Variants in MAX observed in about 807,000 individuals in gnomAD.
The protein encoded by MAX is MYC associated transcriptional regulator X, also known as protein max.
A neutral mutation model predicts 22.3 loss-of-function variants in MAX; 3 were observed. The observed-to-expected ratio is 0.13, with a 90% CI of 0.06 to 0.35. MAX has a LOEUF of 0.35. Among genes scored for constraint, MAX ranks in the 10% least tolerant of loss-of-function variants. The pLI is 1.00. For synonymous variants in MAX, 72 were observed against 77.7 expected, an observed-to-expected ratio of 0.93 and a Z score of 0.39; for missense variants, 119 against 209.4, an observed-to-expected ratio of 0.57 and a Z score of 2.66.
At chr14:65,053,313 A>G in intron 3 of MAX, 1 of 1,451,448 alleles carries the variant, frequency 6.9e-7, no homozygotes, top group Non-Finnish European at 9.1e-7. Context: ...ATGTGCTGCC[A>G]GTGCCCTGCG....
chr14:65,060,215 AAC>A (rs1360178686), intron 3 of MAX, among the ~76,000 whole-genome samples: 1 of 149,014 alleles, frequency 6.7e-6, no homozygotes, highest in East Asian at 1.9e-4. Flanking sequence ...GAAAATGAAA[AAC>A]AATCATATCA....
rs2063410585 is a variant in MAX at position 65,088,642 on chromosome 14, G to C, written c.171+5066C>G. Among the ~76,000 whole-genome samples, 1 of 152,208 alleles carries C rather than the reference G, an allele frequency of 6.6e-6. No homozygotes were observed. The highest frequency in any genetic ancestry group is 2.4e-5 in the African/African-American group (1 of 41,454). ...GCCATCTCCCAAAATAATGTGGCCA[G>C]GTTGATGGGGGATTCCTCCCCTCAG... On this transcript the variant is annotated intron_variant, in intron 3 of 4. Coordinates refer to ENST00000358664, the MANE Select transcript of MAX (RefSeq NM_002382.5). The surrounding 1 kb of genome is among the most constrained non-coding windows in gnomAD (Gnocchi z 5.2).
chr14:65,076,208 C>G lies in MAX; in HGVS notation c.*268G>C. On this transcript the variant is annotated 3_prime_UTR_variant, in exon 5 of 5. Coordinates refer to ENST00000358664, the MANE Select transcript of MAX (RefSeq NM_002382.5). This position sits in a 1 kb window ranked among gnomAD's most constrained non-coding sequence, Gnocchi z 6.6. ...GTCTGTCCTCCACAGAAAAAGCTGCCAAGTTGGGGTGTTTTGGTTTAAAAA... is the reference window on the plus strand; with the variant it reads ...GTCTGTCCTCCACAGAAAAAGCTGCGAAGTTGGGGTGTTTTGGTTTAAAAA... The G allele has an allele frequency of 7.1e-7, 1 of 1,416,942 alleles. No individual in the cohort carries two copies. Among genetic ancestry groups the G allele is most frequent in the South Asian group, 1.6e-5 (1 of 63,270 alleles). 87.8% of individuals were successfully genotyped at this position (1,416,942 alleles called of 1,614,324 possible). A position where few individuals can be genotyped will look rare whatever the true frequency, so the allele number is the denominator to read the frequency against.
chr14:65,080,396 T>C (rs1031061616), intron 3 of MAX, among the ~76,000 whole-genome samples: 3 of 152,006 alleles, frequency 2.0e-5, no homozygotes, highest in African/African-American at 7.3e-5. Context: ...GGTGACAAAA[T>C]GGGGTGGAAA....
rs1000232677 is a variant in MAX at position 65,088,099 on chromosome 14, G to A, written c.171+5609C>T. On this transcript the variant is annotated intron_variant, in intron 3 of 4. Coordinates refer to ENST00000358664, the MANE Select transcript of MAX (RefSeq NM_002382.5). The surrounding 1 kb of genome is among the most constrained non-coding windows in gnomAD (Gnocchi z 5.2). ...GATTGTGAGGCTTCCTTCCAGCCACGTGGAACTGTAAGTCCACTAAACCTC... is the reference window on the plus strand; with the variant it reads ...GATTGTGAGGCTTCCTTCCAGCCACATGGAACTGTAAGTCCACTAAACCTC... 2.0e-5 allele frequency among the ~76,000 whole-genome samples: 3 copies of A among 152,124 alleles called. No homozygotes were observed. Among genetic ancestry groups the A allele is most frequent in the East Asian group, 3.9e-4 (2 of 5,192 alleles).
At chr14:65,052,384 T>TAA (rs1595095597) in intron 3 of MAX, among the ~76,000 whole-genome samples, 1 of 152,176 alleles carries the variant, frequency 6.6e-6, no homozygotes, top group Non-Finnish European at 1.5e-5. Context: ...ATCTTTTTTT[T>TAA]AAAAATGATT....
chr14:65,077,292 A>T lies in MAX; in HGVS notation c.295+621T>A, dbSNP rs968826358. ...TGAGCCTGGAAGGTCAACCCATTTA[A>T]TTTATTTTATTTTATTTTATTTGAG... On this transcript the variant is annotated intron_variant, in intron 4 of 4. Coordinates refer to ENST00000358664, the MANE Select transcript of MAX (RefSeq NM_002382.5). The surrounding 1 kb of genome is among the most constrained non-coding windows in gnomAD (Gnocchi z 6.3). 38 of 1,302,842 alleles carry T rather than the reference A, an allele frequency of 2.9e-5. No individual in the cohort carries two copies. The highest frequency in any genetic ancestry group is 1.0e-4 in the African/African-American group (7 of 67,848). The allele number at this position is 1,302,842 out of a possible 1,614,324, so 80.7% of individuals were successfully genotyped here.
Position 65,062,934 on chromosome 14 carries a change from C to CA in MAX, c.171+30773dup, listed in dbSNP as rs1425381748. On this transcript the variant is annotated intron_variant, in intron 3 of 3. Coordinates refer to the MAX transcript ENST00000341653. The surrounding 1 kb of genome is among the most constrained non-coding windows in gnomAD (Gnocchi z 4.3). The stretch of plus-strand genomic sequence containing the variant: ...ACTGCACTTCATGGTCTGTCTCCGA[C>CA]AGACAGCAAGGACTGGGCCTAGTAG... 2.0e-5 allele frequency among the ~76,000 whole-genome samples: 3 copies of CA among 152,232 alleles called. No homozygotes were observed.
intron 1 of MAX, 103 bp from the exon 2 acceptor site, chr14:65,101,675 G>T: frequency 1.1e-6 from 1 of 892,678 alleles, no homozygotes; most frequent in Non-Finnish European, 1.8e-6. Flanking sequence ...GAAGCGGAGG[G>T]TGGGGAGTCA....
At chr14:65,084,000 G>T (rs201636829) in intron 3 of MAX, 2 of 1,492,426 alleles carry the variant, frequency 1.3e-6, no homozygotes, top group East Asian at 2.4e-5. Flanking sequence ...GAGGCTGGAA[G>T]GTTGTAAGGC....
chr14:65,102,188 G>A (rs563218103), intron 1 of MAX, 116 bp downstream of exon 1: 18 of 1,546,558 alleles, frequency 1.2e-5, no homozygotes, highest in Non-Finnish European at 1.3e-5. Flanking sequence ...GGCCCCGAGG[G>A]GAAGGGGAAG....
chr14:65,035,024 C>T (rs2062157697), intron 3 of MAX, among the ~76,000 whole-genome samples: 1 of 152,250 alleles, frequency 6.6e-6, no homozygotes, highest in South Asian at 2.1e-4. Context: ...TTAGAAGTTG[C>T]TTTGTTTCCC....
intron 3 of MAX, among the ~76,000 whole-genome samples, chr14:65,037,597 T>A (rs893584050): frequency 2.0e-5 from 3 of 149,180 alleles, no homozygotes; most frequent in Admixed American, 6.7e-5. Flanking sequence ...GCTAATTTTT[T>A]AAATTTTTGT....
At chr14:65,068,264 A>G (rs1158527564) in intron 3 of MAX, among the ~76,000 whole-genome samples, 1 of 151,958 alleles carries the variant, frequency 6.6e-6, no homozygotes, top group African/African-American at 2.4e-5. Flanking sequence ...ATGAAACCCC[A>G]TAGCAACTAA....
At chr14:65,042,477 A>C (rs943115763) in intron 3 of MAX, among the ~76,000 whole-genome samples, 1 of 152,160 alleles carries the variant, frequency 6.6e-6, no homozygotes, top group African/African-American at 2.4e-5. Context: ...ATGAGAATCT[A>C]ATGCTGCTGC....
chr14:65,077,362 C>A lies in MAX; in HGVS notation c.295+551G>T, dbSNP rs756763971. The A allele has an allele frequency of 6.2e-7, 1 of 1,613,450 alleles. No homozygotes were observed. The highest frequency in any genetic ancestry group is 8.5e-7 in the Non-Finnish European group (1 of 1,179,378). Reference sequence around the variant, plus strand: ...TACTTGCATTTCCTTTTACTTGCATCTTCCATGAGGGAGGAAGAGAAGTGA... The same window carrying A: ...TACTTGCATTTCCTTTTACTTGCATATTCCATGAGGGAGGAAGAGAAGTGA... On this transcript the variant is annotated intron_variant, in intron 4 of 4. Coordinates refer to ENST00000358664, the MANE Select transcript of MAX (RefSeq NM_002382.5). This position sits in a 1 kb window ranked among gnomAD's most constrained non-coding sequence, Gnocchi z 6.3.
intron 3 of MAX, among the ~76,000 whole-genome samples, chr14:65,041,191 C>T (rs1566566346): frequency 6.6e-6 from 1 of 152,186 alleles, no homozygotes; most frequent in Non-Finnish European, 1.5e-5. Context: ...CCTTATACTT[C>T]AGTTTCGTAG....
At position 65,048,339 on chromosome 14, in the gene MAX, C is replaced by A. The variant is rs1438578605; in HGVS notation, c.172-42055G>T. ...TACTGTGCCTTTAAAAAAAAAAAAA[C>A]CATGTGCATTACTAATTTTATTTTG... On this transcript the variant is annotated intron_variant, in intron 3 of 3. Transcript: ENST00000341653. Among the ~76,000 whole-genome samples, 7 of 148,102 alleles carry A rather than the reference C, an allele frequency of 4.7e-5. No homozygotes were observed. The East Asian group carries it at 6.0e-4, about 13-fold the overall frequency.
Position 65,076,148 on chromosome 14 carries a change from G to T in MAX, c.*328C>A. 1.5e-6 allele frequency: 2 copies of T among 1,339,514 alleles called. No homozygotes were observed. Among genetic ancestry groups the T allele is most frequent in the Non-Finnish European group, 1.9e-6 (2 of 1,044,684 alleles). The allele number at this position is 1,339,514 out of a possible 1,614,324, so 83.0% of individuals were successfully genotyped here. ...CAGGGCTGGAGGAGCTGGTAGGGTG[G>T]GCAGGACACTATGTGCTCAGAGGTC... On this transcript the variant is annotated 3_prime_UTR_variant, in exon 5 of 5. Transcript: ENST00000358664. This position sits in a 1 kb window ranked among gnomAD's most constrained non-coding sequence, Gnocchi z 6.6.
Sources: allele counts gnomAD v4.1 joint callset (sites outside exome capture counted in the v4.1 genomes callset), GRCh38; gene constraint gnomAD v4.1.1; non-coding constraint Gnocchi (gnomAD v3.1); transcripts MANE v1.5; gene names NCBI Gene and HGNC (gene_info 2026-07-23, HGNC 2026-07-21).